The following EPS15 variants were observed in gnomAD, a reference collection of about 807,000 sequenced individuals.
EPS15 encodes the protein epidermal growth factor receptor pathway substrate 15, also known as epidermal growth factor receptor substrate 15.
A neutral mutation model predicts 113.8 loss-of-function variants in EPS15; 72 were observed. That is an observed-to-expected ratio of 0.63 (90% CI 0.52 to 0.77). The LOEUF (loss-of-function observed/expected upper bound fraction) is 0.77. Among genes scored for constraint, EPS15 ranks in the 30% least tolerant of loss-of-function variants. The pLI, the probability that EPS15 is intolerant of heterozygous loss-of-function variation, is 0.00. For missense variants in EPS15, 1,048 were observed against 1,045.8 expected, an observed-to-expected ratio of 1.00 and a Z score of -0.03; for synonymous variants, 344 against 363.4, an observed-to-expected ratio of 0.95 and a Z score of 0.61.
At chr1:51,453,140 A>T (rs1653712506) in intron 8 of EPS15, among the ~76,000 whole-genome samples, 1 of 152,226 alleles carries the variant, frequency 6.6e-6, no homozygotes, top group African/African-American at 2.4e-5. Flanking sequence ...CAATATATGT[A>T]CTGTGAAATT....
intron 16 of EPS15, among the ~76,000 whole-genome samples, chr1:51,405,445 C>T (rs1294394038): frequency 1.3e-5 from 2 of 152,148 alleles, no homozygotes; most frequent in Non-Finnish European, 2.9e-5. Flanking sequence ...GCCTGTAATC[C>T]CTGCACTTTG....
intron 1 of EPS15, among the ~76,000 whole-genome samples, chr1:51,515,976 G>T (rs1179547411): frequency 1.3e-5 from 2 of 152,026 alleles, no homozygotes; most frequent in East Asian, 3.8e-4. Flanking sequence ...GGATATGGGC[G>T]TTAGGGAGTA....
chr1:51,402,956 C>T (rs1176834898), intron 17 of EPS15, among the ~76,000 whole-genome samples: 1 of 152,152 alleles, frequency 6.6e-6, no homozygotes, highest in Non-Finnish European at 1.5e-5. Flanking sequence ...TCTCTCTAGT[C>T]ATAAAGCACC....
intron 8 of EPS15, among the ~76,000 whole-genome samples, chr1:51,455,864 C>T (rs546174908): frequency 6.6e-6 from 1 of 151,888 alleles, no homozygotes; most frequent in African/African-American, 2.4e-5. Flanking sequence ...ATTCCACGTA[C>T]ACAAAACTCT....
At chr1:51,485,695 A>G (rs1167365418) in intron 1 of EPS15, among the ~76,000 whole-genome samples, 1 of 152,268 alleles carries the variant, frequency 6.6e-6, no homozygotes, top group Non-Finnish European at 1.5e-5. Flanking sequence ...ATATCCTTCA[A>G]AAGCAAGGAA....
intron 17 of EPS15, among the ~76,000 whole-genome samples, chr1:51,402,960 A>C (rs987272128): frequency 2.0e-5 from 3 of 152,184 alleles, no homozygotes; most frequent in Non-Finnish European, 2.9e-5. Flanking sequence ...TCTAGTCATA[A>C]AGCACCTTTA....
intron 13 of EPS15, among the ~76,000 whole-genome samples, chr1:51,411,043 G>A (rs1017841601): frequency 1.3e-5 from 2 of 152,168 alleles, no homozygotes; most frequent in African/African-American, 4.8e-5. Context: ...AGTGGGTTCT[G>A]ACTCCACAGC....
At position 51,462,870 on chromosome 1, in the gene EPS15, ATTTTTTTTTT is replaced by A. The variant is rs34320767; in HGVS notation, c.501+793_501+802del. On this transcript the variant is annotated intron_variant, in intron 7 of 24. Coordinates refer to ENST00000371733, the MANE Select transcript of EPS15 (RefSeq NM_001981.3). ...AAAAGAGGAAAAGTAAAAAAGTCAG[ATTTTTTTTTT>A]TTTTTTTTTTTTTTTCTAAGACAGT... 2.8e-3 allele frequency among the ~76,000 whole-genome samples: 316 copies of A among 111,068 alleles called. 1 individual carries two copies. The highest frequency in any genetic ancestry group is 0.021 in the Middle Eastern group (4 of 188). 72.9% of individuals were successfully genotyped at this position (111,068 alleles called of 152,430 possible). A position where few individuals can be genotyped will look rare whatever the true frequency, so the allele number is the denominator to read the frequency against.
chr1:51,472,577 A>T lies in EPS15; in HGVS notation c.165+282T>A, dbSNP rs1655319996. On this transcript the variant is annotated intron_variant, in intron 3 of 24. Transcript: ENST00000371733. ...GCCAAGTCTTTGAGTGTGTGGCAAG[A>T]TTCCCAGTCTTCACTGTTTCTCCCC... 2.0e-5 allele frequency among the ~76,000 whole-genome samples: 3 copies of T among 152,276 alleles called. No homozygotes were observed. In the South Asian group the frequency reaches 6.2e-4, roughly 32 times the overall value.
chr1:51,442,731 T>C (rs78479611), intron 11 of EPS15, among the ~76,000 whole-genome samples: 1 of 152,078 alleles, frequency 6.6e-6, no homozygotes, highest in Non-Finnish European at 1.5e-5. Flanking sequence ...TTCTTTTTTT[T>C]GCTGAATAAA....
chr1:51,516,931 G>A (rs1644729608), intron 1 of EPS15, among the ~76,000 whole-genome samples: 1 of 152,294 alleles, frequency 6.6e-6, no homozygotes, highest in Admixed American at 6.5e-5. Context: ...TCTCACTTGA[G>A]TATGCCTATG....
At chr1:51,442,600 T>C (rs866990052) in intron 11 of EPS15, among the ~76,000 whole-genome samples, 1 of 152,208 alleles carries the variant, frequency 6.6e-6, no homozygotes, top group East Asian at 1.9e-4. Context: ...ACCCTATTCT[T>C]GTGCATTACA....
At chr1:51,467,440 A>G (rs934906801) in intron 5 of EPS15, among the ~76,000 whole-genome samples, 4 of 152,270 alleles carry the variant, frequency 2.6e-5, no homozygotes, top group African/African-American at 4.8e-5. Flanking sequence ...GCCTATCAAT[A>G]GAAAGTTAAT....
At chr1:51,467,041 A>G (rs982814798) in intron 5 of EPS15, among the ~76,000 whole-genome samples, 1 of 152,258 alleles carries the variant, frequency 6.6e-6, no homozygotes, top group Non-Finnish European at 1.5e-5. Flanking sequence ...ATGTAAACAT[A>G]AGAAAAGCTT....
At chr1:51,491,485 C>T (rs961953789) in intron 1 of EPS15, among the ~76,000 whole-genome samples, 1 of 152,028 alleles carries the variant, frequency 6.6e-6, no homozygotes, top group African/African-American at 2.4e-5. Flanking sequence ...GATAGGCTAT[C>T]CATATCTAGA....
At chr1:51,454,341 A>G (rs1653815206) in intron 8 of EPS15, among the ~76,000 whole-genome samples, 1 of 152,354 alleles carries the variant, frequency 6.6e-6, no homozygotes, top group South Asian at 2.1e-4. Context: ...GACAAACAGC[A>G]AAGTAAAAAG....
At chr1:51,365,016 A>G (rs968370447) in intron 22 of EPS15, among the ~76,000 whole-genome samples, 2 of 148,644 alleles carry the variant, frequency 1.3e-5, no homozygotes, top group African/African-American at 5.0e-5. Flanking sequence ...TTTTTTGGTC[A>G]AGACGAGGTT....
At chr1:51,503,006 C>CAAAAAAA (rs56340331) in intron 1 of EPS15, among the ~76,000 whole-genome samples, 1 of 67,434 alleles carries the variant, frequency 1.5e-5, no homozygotes, top group African/African-American at 5.0e-5. Flanking sequence ...GACTCTGTCT[C>CAAAAAAA]AAAAAAAAAA....
chr1:51,465,277 A>G lies in EPS15; in HGVS notation c.359T>C (p.Leu120Pro), dbSNP rs1279821753. The change falls in exon 6 of 25, where the codon CTC becomes CCC. Residue 120 changes from leucine to proline, a missense_variant. Coordinates refer to ENST00000371733, the MANE Select transcript of EPS15 (RefSeq NM_001981.3). ...LLISGTSAAE[L>P]PWAVKPEDKA... ...TTTACTTACTTTTACAGCCCATGGG[A>G]GCTCAGCTGCAGAGGTTCCACTGAT... 2.5e-6 allele frequency: 4 copies of G among 1,609,514 alleles called. No individual in the cohort carries two copies. The highest frequency in any genetic ancestry group is 3.4e-6 in the Non-Finnish European group (4 of 1,176,858).
Sources: gnomAD v4.1 joint callset for allele counts (sites outside exome capture counted in the v4.1 genomes callset) on GRCh38, gnomAD v4.1.1 for gene constraint, MANE v1.5 for transcripts, NCBI Gene and HGNC (gene_info 2026-07-23, HGNC 2026-07-21) for gene names.